The following LAMA3 variants were observed in gnomAD, a reference collection of about 807,000 sequenced individuals.
The protein encoded by LAMA3 is laminin subunit alpha 3, also known as laminin subunit alpha-3.
LAMA3 carries 281 observed loss-of-function variants against 402.0 expected under a neutral mutation model. The observed-to-expected ratio is 0.70, with a 90% confidence interval of 0.63 to 0.77. LAMA3 has a LOEUF of 0.77. Among genes scored for constraint, LAMA3 ranks in the 30% least tolerant of loss-of-function variants. The probability of loss-of-function intolerance (pLI) is 0.00; values close to 1 mark genes in which losing one functional copy is unlikely to be tolerated. For synonymous variants in LAMA3, 1,431 were observed against 1,558.4 expected, an observed-to-expected ratio of 0.92 and a Z score of 1.93; for missense variants, 3,840 against 4,215.5, an observed-to-expected ratio of 0.91 and a Z score of 2.47.
chr18:23,825,584 A>G (rs552752350), intron 21 of LAMA3, among the ~76,000 whole-genome samples: 1 of 152,268 alleles, frequency 6.6e-6, no homozygotes, highest in Non-Finnish European at 1.5e-5. Context: ...TTTCCATTCA[A>G]GACAACAAAG....
chr18:23,871,769 C>T, intron 38 of LAMA3, 108 bp downstream of exon 38: 1 of 853,336 alleles, frequency 1.2e-6, no homozygotes, highest in South Asian at 1.4e-5. Context: ...TATTGTTTCT[C>T]TGTTCAAGTT....
At chr18:23,709,457 GT>G (rs1598620989) in intron 1 of LAMA3, among the ~76,000 whole-genome samples, 1 of 151,946 alleles carries the variant, frequency 6.6e-6, no homozygotes, top group Admixed American at 6.6e-5. Context: ...TTATACATCT[GT>G]TTTTTTCTCC....
chr18:23,873,327 G>A (rs1034066988), intron 38 of LAMA3: 2 of 949,788 alleles, frequency 2.1e-6, no homozygotes, highest in Non-Finnish European at 3.5e-6. Flanking sequence ...AGGAGGGGCT[G>A]ATGGCCTCCC....
At chr18:23,756,388 A>G (rs922942316) in intron 6 of LAMA3, among the ~76,000 whole-genome samples, 37 of 151,148 alleles carry the variant, frequency 2.4e-4, no homozygotes, top group African/African-American at 8.5e-4. Flanking sequence ...AAAAAAAAAA[A>G]GCTGTTTGCT....
intron 16 of LAMA3, 99 bp downstream of exon 16, chr18:23,815,339 G>A (rs923183129): frequency 2.2e-6 from 3 of 1,361,534 alleles, no homozygotes; most frequent in Non-Finnish European, 3.1e-6. Context: ...TCATTCTACA[G>A]TGCATGGTAA....
intron 32 of LAMA3, among the ~76,000 whole-genome samples, chr18:23,851,957 T>TAA (rs111783935): frequency 8.1e-5 from 12 of 148,204 alleles, no homozygotes; most frequent in African/African-American, 2.7e-4. Context: ...CCCTTTGGGT[T>TAA]AAAAAAAAAA....
At chr18:23,881,578 G>T (rs921418774) in intron 39 of LAMA3, among the ~76,000 whole-genome samples, 4 of 152,174 alleles carry the variant, frequency 2.6e-5, no homozygotes, top group African/African-American at 9.7e-5. Context: ...AATTATAATT[G>T]TATGTAAATC....
chr18:23,797,608 G>A (rs1239519326), intron 12 of LAMA3, among the ~76,000 whole-genome samples: 1 of 152,050 alleles, frequency 6.6e-6, no homozygotes, highest in African/African-American at 2.4e-5. Context: ...CCAGCTACTC[G>A]GGAGGCTGAG....
intron 67 of LAMA3, 29 bp from the exon 68 acceptor site, chr18:23,939,194 G>C: frequency 1.2e-6 from 2 of 1,610,470 alleles, no homozygotes; most frequent in African/African-American, 2.7e-5. Context: ...TCTTTCCCCT[G>C]ATAATTGTGT....
intron 44 of LAMA3, 152 bp downstream of exon 44, chr18:23,895,210 G>A: frequency 1.1e-6 from 1 of 894,676 alleles, no homozygotes; most frequent in Non-Finnish European, 1.7e-6. Flanking sequence ...TTTTCCTGGT[G>A]GAAAATCATT....
At chr18:23,762,836 G>A (rs1447018726) in intron 7 of LAMA3, among the ~76,000 whole-genome samples, 1 of 145,406 alleles carries the variant, frequency 6.9e-6, no homozygotes, top group Non-Finnish European at 1.5e-5. Context: ...TCCTGCCTCA[G>A]CCTCCCAAGT....
chr18:23,753,854 A>C lies in LAMA3; in HGVS notation c.947+42A>C, dbSNP rs530283690. 1.5e-5 allele frequency: 20 copies of C among 1,295,288 alleles called. 1 individual carries two copies. In the South Asian group the frequency reaches 2.4e-4, roughly 16 times the overall value. 80.2% of individuals were successfully genotyped at this position (1,295,288 alleles called of 1,614,324 possible). On this transcript the variant is annotated intron_variant, in intron 6 of 74. Transcript: ENST00000313654. ...GATTTTTTTCAGCCTTACTATGATT[A>C]AGTCTAATTATTTCAGTGGATGTTT...
At position 23,763,484 on chromosome 18, in the gene LAMA3, G is replaced by T; in HGVS notation, c.1143G>T (p.Gln381His). Residue 381 changes from glutamine (Q) to histidine (H), a missense_variant, in exon 8 of 75, where the codon CAG becomes CAT. Physicochemically the swap from Gln to His is conservative, Grantham distance 24. Around this residue, in one of 3 missense-constraint regions of LAMA3, gnomAD observed 2,109 missense variants for 2,376.0 expected, o/e 0.89. Coordinates refer to ENST00000313654, the MANE Select transcript of LAMA3 (RefSeq NM_198129.4). The stretch of plus-strand genomic sequence containing the variant: ...GGCAGCAGGCAAGCTTGAATACCCA[G>T]GGCATCTATGCTGGTGGAGGGGTCT... Reference protein sequence around the residue: ...VERQQASLNTQGIYAGGGVCI... With the variant: ...VERQQASLNTHGIYAGGGVCI... The T allele has an allele frequency of 6.2e-7, 1 of 1,613,444 alleles. No homozygotes were observed.
At chr18:23,700,174 A>G (rs1262291903) in intron 1 of LAMA3, among the ~76,000 whole-genome samples, 9 of 151,844 alleles carry the variant, frequency 5.9e-5, no homozygotes, top group Admixed American at 5.9e-4. Context: ...GGAATGCCCT[A>G]CTCTGTTTAT....
chr18:23,871,407 C>G (rs758317763), intron 37 of LAMA3, 24 bp from the exon 38 acceptor site: 2 of 1,607,916 alleles, frequency 1.2e-6, no homozygotes, highest in African/African-American at 2.7e-5. Flanking sequence ...AAGGAAGACC[C>G]TGACTTTCTG....
At chr18:23,837,822 A>T (rs1446026762) in intron 25 of LAMA3, among the ~76,000 whole-genome samples, 22 of 152,032 alleles carry the variant, frequency 1.4e-4, no homozygotes, top group Non-Finnish European at 1.5e-5. Flanking sequence ...ACCCTGGGAA[A>T]TGCCAGGCCA....
At chr18:23,829,480 G>T (rs748480437) in intron 23 of LAMA3, among the ~76,000 whole-genome samples, 16 of 152,156 alleles carry the variant, frequency 1.1e-4, no homozygotes, top group Non-Finnish European at 1.6e-4. Flanking sequence ...TAGCCCAGGA[G>T]CAGGCATTAC....
chr18:23,861,666 G>A lies in LAMA3; in HGVS notation c.4443G>A (p.Trp1481Ter). 1.2e-6 allele frequency: 2 copies of A among 1,614,140 alleles called. No homozygotes were observed. The highest frequency in any genetic ancestry group is 1.7e-6 in the Non-Finnish European group (2 of 1,180,034). ...RRTKFVDMLGWHLETADRVDI... is the reference protein window; with the variant it reads ...RRTKFVDMLG Reference sequence around the variant, plus strand: ...TCCAGTTTGTGGATATGCTGGGCTGGCACCTGGAGACAGCAGACAGAGTGG... The same window carrying A: ...TCCAGTTTGTGGATATGCTGGGCTGACACCTGGAGACAGCAGACAGAGTGG... The change falls in exon 35 of 75, where the codon TGG becomes TGA. Residue 1481 changes from tryptophan (W) to a stop codon, truncating the protein, a stop_gained. Transcript: ENST00000313654. LOFTEE classifies it high-confidence loss of function.
chr18:23,816,086 C>T (rs2063170015), intron 17 of LAMA3, among the ~76,000 whole-genome samples: 2 of 152,174 alleles, frequency 1.3e-5, no homozygotes, highest in South Asian at 4.1e-4. Context: ...TTTGAGCTGG[C>T]TTATAGTAGC....
Sources: gnomAD v4.1 joint callset for allele counts (sites outside exome capture counted in the v4.1 genomes callset) on GRCh38, gnomAD v4.1.1 for gene constraint, gnomAD v4.1.1 regional missense constraint, MANE v1.5 for transcripts, NCBI Gene and HGNC (gene_info 2026-07-23, HGNC 2026-07-21) for gene names.